CDH12: variants seen among roughly 807,000 people sequenced by gnomAD.
The protein encoded by CDH12 is cadherin-12.
A neutral mutation model predicts 74.1 loss-of-function variants in CDH12; 41 were observed. That is an observed-to-expected ratio of 0.55 (90% CI 0.43 to 0.72). CDH12 has a LOEUF of 0.72. Among genes scored for constraint, CDH12 ranks in the 30% least tolerant of loss-of-function variants. The pLI is 0.00. For missense variants in CDH12, 945 were observed against 977.2 expected (o/e 0.97, Z 0.44); for synonymous variants, 399 against 355.0 (o/e 1.12, Z -1.39).
At chr5:22,044,628 G>A (rs978882019) in intron 5 of CDH12, among the ~76,000 whole-genome samples, 5 of 152,144 alleles carry the variant, frequency 3.3e-5, no homozygotes, top group Non-Finnish European at 7.4e-5. Flanking sequence ...GTATATCAGA[G>A]AAGAATAGCA....
intron 3 of CDH12, among the ~76,000 whole-genome samples, chr5:22,355,129 A>G (rs1235665023): frequency 6.6e-6 from 1 of 151,904 alleles, no homozygotes; most frequent in Non-Finnish European, 1.5e-5. Flanking sequence ...TTTCATTTTT[A>G]TAAATGATTT....
intron 3 of CDH12, among the ~76,000 whole-genome samples, chr5:22,373,320 T>G (rs1019013698): frequency 6.6e-6 from 1 of 152,128 alleles, no homozygotes; most frequent in African/African-American, 2.4e-5. Flanking sequence ...CAGCCACCAC[T>G]AGTGCCAGCA....
intron 13 of CDH12, among the ~76,000 whole-genome samples, chr5:21,756,119 AT>A (rs551395487): frequency 2.0e-5 from 3 of 152,120 alleles, no homozygotes; most frequent in Non-Finnish European, 2.9e-5. Flanking sequence ...AAATTGATCA[AT>A]TTTTTTATGA....
chr5:22,451,060 C>G (rs1024965506), intron 2 of CDH12, among the ~76,000 whole-genome samples: 15 of 151,716 alleles, frequency 9.9e-5, no homozygotes, highest in Non-Finnish European at 1.9e-4. Context: ...CCTAGTGATT[C>G]TCTGTTACAT....
At chr5:22,097,896 T>G (rs1203261170) in intron 4 of CDH12, among the ~76,000 whole-genome samples, 1 of 152,176 alleles carries the variant, frequency 6.6e-6, no homozygotes, top group African/African-American at 2.4e-5. Flanking sequence ...CATGGCCTTT[T>G]AAAGCCTATA....
chr5:22,695,108 T>C (rs2126949519), intron 1 of CDH12, among the ~76,000 whole-genome samples: 1 of 152,212 alleles, frequency 6.6e-6, no homozygotes, highest in South Asian at 2.1e-4. Flanking sequence ...TCTGTTCCTG[T>C]GTTAGTTTGC....
chr5:22,367,743 CT>C (rs1349080578), intron 3 of CDH12, among the ~76,000 whole-genome samples: 1 of 152,024 alleles, frequency 6.6e-6, no homozygotes, highest in Non-Finnish European at 1.5e-5. Flanking sequence ...GAGATAACAC[CT>C]TTGTCTATTT....
chr5:22,377,970 T>C (rs1284489833), intron 3 of CDH12, among the ~76,000 whole-genome samples: 1 of 152,208 alleles, frequency 6.6e-6, no homozygotes, highest in African/African-American at 2.4e-5. Flanking sequence ...ATTATTTCAC[T>C]CACTAATGGA....
At chr5:22,779,578 G>C (rs915163032) in intron 1 of CDH12, among the ~76,000 whole-genome samples, 1 of 152,070 alleles carries the variant, frequency 6.6e-6, no homozygotes, top group Non-Finnish European at 1.5e-5. Context: ...TCCCCACATC[G>C]AGGGAGGGAC....
intron 5 of CDH12, among the ~76,000 whole-genome samples, chr5:21,985,709 T>A (rs1420367326): frequency 2.0e-5 from 3 of 152,172 alleles, no homozygotes; most frequent in East Asian, 3.9e-4. Context: ...CCTGGTAAAC[T>A]TATAAAACAC....
At chr5:22,282,600 CA>C (rs1158761834) in intron 3 of CDH12, among the ~76,000 whole-genome samples, 2 of 152,114 alleles carry the variant, frequency 1.3e-5, no homozygotes, top group African/African-American at 2.4e-5. Context: ...AGACACTTCT[CA>C]AAAGAAGACA....
chr5:22,474,382 C>A (rs574251664), intron 2 of CDH12, among the ~76,000 whole-genome samples: 44 of 152,148 alleles, frequency 2.9e-4, no homozygotes, highest in South Asian at 6.2e-4. Context: ...GAAATTAGAC[C>A]ACAGTGAATG....
At chr5:21,764,150 G>A (rs1360198348) in intron 12 of CDH12, among the ~76,000 whole-genome samples, 11 of 151,974 alleles carry the variant, frequency 7.2e-5, no homozygotes, top group Non-Finnish European at 1.3e-4. Context: ...CGAGGCAGGC[G>A]GATCACGAGG....
intron 3 of CDH12, among the ~76,000 whole-genome samples, chr5:22,249,713 T>C (rs770589199): frequency 2.6e-5 from 4 of 152,242 alleles, no homozygotes; most frequent in East Asian, 1.9e-4. Flanking sequence ...TCTGTTGTTA[T>C]GATCGTCTCA....
intron 5 of CDH12, among the ~76,000 whole-genome samples, chr5:22,048,064 A>T (rs1740087828): frequency 6.6e-6 from 1 of 152,148 alleles, no homozygotes; most frequent in African/African-American, 2.4e-5. Flanking sequence ...GGGGTGTGAG[A>T]CAGGCTGGAC....
In CDH12 at chr5:22,584,081, A is replaced by AATTTATTTATTTATTTATTT. The variant is rs3047309; in HGVS notation, c.-522-78737_-522-78718dup. ...GGGGAATCATCTATATTGTTTGCGG[A>AATTTATTTATTTATTTATTT]ATTTATTTATTTATTTATTTATTTA... On this transcript the variant is annotated intron_variant, in intron 1 of 14. Transcript: ENST00000382254. 6.0e-3 allele frequency among the ~76,000 whole-genome samples: 885 copies of AATTTATTTATTTATTTATTT among 147,514 alleles called. 9 individuals are homozygous for AATTTATTTATTTATTTATTT. The highest frequency in any genetic ancestry group is 9.5e-3 in the East Asian group (47 of 4,964).
intron 3 of CDH12, among the ~76,000 whole-genome samples, chr5:22,402,737 T>A (rs1034113957): frequency 6.6e-6 from 1 of 152,134 alleles, no homozygotes; most frequent in Non-Finnish European, 1.5e-5. Context: ...GTCAAAGGTA[T>A]GGCTGAACAA....
intron 6 of CDH12, among the ~76,000 whole-genome samples, chr5:21,897,317 G>A (rs924270548): frequency 1.3e-5 from 2 of 152,086 alleles, no homozygotes; most frequent in Non-Finnish European, 2.9e-5. Flanking sequence ...GAAAGCTCTG[G>A]TTTCCTCCGA....
intron 6 of CDH12, among the ~76,000 whole-genome samples, chr5:21,938,723 C>CATATACATATATATATATATATAT (rs1755187069): frequency 2.7e-5 from 3 of 112,078 alleles, no homozygotes; most frequent in African/African-American, 1.2e-4. Flanking sequence ...ATATAATATA[C>CATATACATATATATATATATATAT]ATATATATAT....
Sources: allele counts gnomAD v4.1 joint callset (sites outside exome capture counted in the v4.1 genomes callset), GRCh38; gene constraint gnomAD v4.1.1; transcripts MANE v1.5; gene names NCBI Gene and HGNC (gene_info 2026-07-23, HGNC 2026-07-21).